ARID5B: variants seen among roughly 807,000 people sequenced by gnomAD.
The protein encoded by ARID5B is AT-rich interactive domain-containing protein 5B.
A neutral mutation model predicts 97.2 loss-of-function variants in ARID5B; 13 were observed. The ratio of observed to expected loss-of-function variants is 0.13; its 90% CI spans 0.09 to 0.21. ARID5B has a LOEUF of 0.21. Among genes scored for constraint, ARID5B ranks in the 10% least tolerant of loss-of-function variants. The pLI is 1.00. For synonymous variants in ARID5B, 556 were observed against 570.3 expected, an observed-to-expected ratio of 0.97 and a Z score of 0.36; for missense variants, 1,210 against 1,465.3, an observed-to-expected ratio of 0.83 and a Z score of 2.84.
chr10:61,971,616 C>A (rs924711111), intron 3 of ARID5B, among the ~76,000 whole-genome samples: 1 of 152,190 alleles, frequency 6.6e-6, no homozygotes, highest in Non-Finnish European at 1.5e-5. Context: ...TGTAGAACTG[C>A]ACAATACAGA....
chr10:62,071,225 G>A (rs10821954), intron 8 of ARID5B, among the ~76,000 whole-genome samples: 49,789 of 151,444 alleles, frequency 0.33, 8,917 homozygotes, highest in Non-Finnish European at 0.41. Context: ...TAGTAGAGAC[G>A]GGGTTTCACC....
intron 3 of ARID5B, among the ~76,000 whole-genome samples, chr10:61,972,838 A>C (rs891888069): frequency 1.3e-5 from 2 of 152,190 alleles, no homozygotes; most frequent in African/African-American, 4.8e-5. Flanking sequence ...ACTGTAAAAA[A>C]CATTTTCGGT....
rs765271692 is a variant in ARID5B at position 62,069,683 on chromosome 10, C to T, written c.1102-17C>T. 6.2e-7 allele frequency: 1 copy of T among 1,608,218 alleles called. No individual in the cohort carries two copies. The highest frequency in any genetic ancestry group is 1.1e-5 in the South Asian group (1 of 90,932). Reference sequence around the variant, plus strand: ...TCTTATGATGTAAGATTGAATTTCCCATTGCCATTTTTTCAGATAACAGCC... The same window carrying T: ...TCTTATGATGTAAGATTGAATTTCCTATTGCCATTTTTTCAGATAACAGCC... On this transcript the variant is annotated splice_polypyrimidine_tract_variant and intron_variant, in intron 7 of 9. Coordinates refer to ENST00000279873, the MANE Select transcript of ARID5B (RefSeq NM_032199.3).
At chr10:61,925,448 A>C (rs998764533) in intron 2 of ARID5B, among the ~76,000 whole-genome samples, 1 of 149,032 alleles carries the variant, frequency 6.7e-6, no homozygotes, top group Non-Finnish European at 1.5e-5. Flanking sequence ...GAAAGGAGTT[A>C]AAAAAAAAAT....
intron 3 of ARID5B, among the ~76,000 whole-genome samples, chr10:61,984,535 G>A (rs1838820382): frequency 6.6e-6 from 1 of 152,144 alleles, no homozygotes; most frequent in African/African-American, 2.4e-5. Context: ...GGCCAGTGGA[G>A]CTTGCTCATG....
chr10:62,006,803 G>A (rs910208155), intron 4 of ARID5B, among the ~76,000 whole-genome samples: 24 of 152,136 alleles, frequency 1.6e-4, no homozygotes, highest in Non-Finnish European at 3.4e-4. Flanking sequence ...GCTAAGATTC[G>A]AGGATTTCTT....
Position 62,095,191 on chromosome 10 carries a change from C to G in ARID5B, c.*2161C>G, listed in dbSNP as rs1840449882. Reference sequence around the variant, plus strand: ...GAGTGCAGATTATCCTGCTATTGCACAAGCTAGAGGGGGGAAAAATCTCAA... The same window carrying G: ...GAGTGCAGATTATCCTGCTATTGCAGAAGCTAGAGGGGGGAAAAATCTCAA... On this transcript the variant is annotated 3_prime_UTR_variant, in exon 10 of 10. Coordinates refer to ENST00000279873, the MANE Select transcript of ARID5B (RefSeq NM_032199.3). 1 of 232,936 alleles carries G rather than the reference C, an allele frequency of 4.3e-6. No homozygotes were observed. Among genetic ancestry groups the G allele is most frequent in the South Asian group, 1.8e-4 (1 of 5,522 alleles). 14.4% of individuals were successfully genotyped at this position (232,936 alleles called of 1,614,324 possible). A position where few individuals can be genotyped will look rare whatever the true frequency, so the allele number is the denominator to read the frequency against.
intron 4 of ARID5B, among the ~76,000 whole-genome samples, chr10:62,047,748 C>T (rs1589273536): frequency 6.6e-6 from 1 of 152,350 alleles, no homozygotes; most frequent in East Asian, 1.9e-4. Context: ...CACCTGTTTT[C>T]ACTCACTGAC....
intron 8 of ARID5B, among the ~76,000 whole-genome samples, chr10:62,070,051 T>C (rs1020989919): frequency 4.0e-5 from 6 of 150,092 alleles, no homozygotes; most frequent in Non-Finnish European, 7.4e-5. Flanking sequence ...TTTTTTTTTT[T>C]CCCCACAAGC....
At chr10:62,070,144 GT>G (rs1564643015) in intron 8 of ARID5B, among the ~76,000 whole-genome samples, 1 of 151,960 alleles carries the variant, frequency 6.6e-6, no homozygotes. Flanking sequence ...CTACTCTGAG[GT>G]TGACATTGAA....
At chr10:62,080,000 T>C (rs576830142) in intron 8 of ARID5B, among the ~76,000 whole-genome samples, 45 of 152,296 alleles carry the variant, frequency 3.0e-4, no homozygotes, top group East Asian at 1.7e-3. Flanking sequence ...TTTTAAAGTA[T>C]GTAAGGCAGT....
intron 8 of ARID5B, among the ~76,000 whole-genome samples, chr10:62,074,738 A>G (rs1304603556): frequency 6.6e-6 from 1 of 152,166 alleles, no homozygotes; most frequent in Non-Finnish European, 1.5e-5. Context: ...ACATCTCAGA[A>G]TTGTATATTT....
At chr10:62,086,246 T>C (rs1395899446) in intron 9 of ARID5B, among the ~76,000 whole-genome samples, 2 of 152,216 alleles carry the variant, frequency 1.3e-5, no homozygotes, top group African/African-American at 4.8e-5. Flanking sequence ...AAAACATGGC[T>C]TCTTGGCCGC....
At chr10:62,033,930 C>T (rs1330969678) in intron 4 of ARID5B, among the ~76,000 whole-genome samples, 2 of 152,158 alleles carry the variant, frequency 1.3e-5, no homozygotes, top group Non-Finnish European at 2.9e-5. Flanking sequence ...TCTCAAAGCC[C>T]GTGCCCTCTC....
At position 62,000,690 on chromosome 10, in the gene ARID5B, T is replaced by G. The variant is rs1839066140; in HGVS notation, c.733+369T>G. 6.6e-6 allele frequency among the ~76,000 whole-genome samples: 1 copy of G among 152,160 alleles called. No individual in the cohort carries two copies. The highest frequency in any genetic ancestry group is 1.5e-5 in the Non-Finnish European group (1 of 68,026). ...CTCTCTTTTCATTGTTATAAGGTAT[T>G]GTAAAAATGCACCAATGGTAACCAC... On this transcript the variant is annotated intron_variant, in intron 4 of 9. Transcript: ENST00000279873. The surrounding 1 kb of genome is among the most constrained non-coding windows in gnomAD (Gnocchi z 4.4).
intron 4 of ARID5B, among the ~76,000 whole-genome samples, chr10:62,029,517 A>G (rs530590054): frequency 2.7e-4 from 41 of 152,364 alleles, no homozygotes; most frequent in African/African-American, 9.1e-4. Context: ...AGAATTAATA[A>G]TTGTAGTAGC....
intron 3 of ARID5B, among the ~76,000 whole-genome samples, chr10:61,957,145 C>A (rs1340215685): frequency 6.6e-6 from 1 of 152,168 alleles, no homozygotes; most frequent in African/African-American, 2.4e-5. Context: ...TATTGGGCAT[C>A]TGAAATGTGG....
At chr10:61,993,892 C>T (rs571902202) in intron 3 of ARID5B, among the ~76,000 whole-genome samples, 1 of 152,066 alleles carries the variant, frequency 6.6e-6, no homozygotes, top group Non-Finnish European at 1.5e-5. Flanking sequence ...ATTGTGAGAA[C>T]CTCACATATT....
intron 4 of ARID5B, among the ~76,000 whole-genome samples, chr10:62,044,836 C>T (rs1173367941): frequency 6.6e-6 from 1 of 152,172 alleles, no homozygotes; most frequent in African/African-American, 2.4e-5. Flanking sequence ...GTCAATGGCC[C>T]AGTGTGTTTA....
Sources: gnomAD v4.1 joint callset for allele counts (sites outside exome capture counted in the v4.1 genomes callset) on GRCh38, gnomAD v4.1.1 for gene constraint, Gnocchi (gnomAD v3.1) non-coding constraint, MANE v1.5 for transcripts, NCBI Gene and HGNC (gene_info 2026-07-23, HGNC 2026-07-21) for gene names.